Variants in SLC35F5 observed in about 807,000 individuals in gnomAD.
SLC35F5 encodes solute carrier family 35 member F5.
In SLC35F5, 54 loss-of-function variants were observed where a neutral mutation model predicts 68.6. The ratio of observed to expected loss-of-function variants is 0.79; its 90% CI spans 0.63 to 0.99. The LOEUF (loss-of-function observed/expected upper bound fraction) is 0.99. Among genes scored for constraint, SLC35F5 ranks in the 50% least tolerant of loss-of-function variants. The pLI is 0.00. For missense variants in SLC35F5, 567 were observed against 626.9 expected, an observed-to-expected ratio of 0.90 and a Z score of 1.02; for synonymous variants, 211 against 205.2, an observed-to-expected ratio of 1.03 and a Z score of -0.24.
chr2:113,718,537 A>AT lies in SLC35F5; in HGVS notation c.1496+616dup, dbSNP rs895249522. Among the ~76,000 whole-genome samples the AT allele has an allele frequency of 3.1e-4, 47 of 152,146 alleles. No individual in the cohort carries two copies. In the East Asian group the frequency reaches 6.0e-3, roughly 19 times the overall value. ...CCTTTTGGTATTACCTGTGAATCAT[A>AT]TTTTTTTTAAAAAAATGTAGTTACT... On this transcript the variant is annotated intron_variant, in intron 14 of 15. Coordinates refer to ENST00000245680, the MANE Select transcript of SLC35F5 (RefSeq NM_025181.5).
chr2:113,752,611 T>C (rs572741562), intron 3 of SLC35F5, among the ~76,000 whole-genome samples: 2 of 152,148 alleles, frequency 1.3e-5, no homozygotes, highest in African/African-American at 4.8e-5. Context: ...AAATCCAGAA[T>C]GTGTGATACA....
chr2:113,753,678 C>T (rs888865010), intron 3 of SLC35F5, among the ~76,000 whole-genome samples: 1 of 152,044 alleles, frequency 6.6e-6, no homozygotes, highest in Non-Finnish European at 1.5e-5. Flanking sequence ...CATGGTGTTT[C>T]GATATATGTA....
intron 10 of SLC35F5, 70 bp from the exon 11 acceptor site, chr2:113,729,575 T>C (rs561184354): frequency 1.3e-6 from 1 of 795,450 alleles, no homozygotes; most frequent in South Asian, 1.6e-5. Flanking sequence ...AATCCAATAA[T>C]GTGTCAGATA....
rs1411957520 is a variant in SLC35F5, at chr2:113,711,128, C to T, written c.*4090G>A. 6.6e-6 allele frequency among the ~76,000 whole-genome samples: 1 copy of T among 152,110 alleles called. No homozygotes were observed. The highest frequency in any genetic ancestry group is 1.5e-5 in the Non-Finnish European group (1 of 68,026). On this transcript the variant is annotated 3_prime_UTR_variant, in exon 16 of 16. Transcript: ENST00000245680. ...ATGAAATGGTGTCTTCATCTAGGTG[C>T]TTCTCCATCAAAATCCCTAGCTCAA... is the stretch of plus-strand genomic sequence containing the variant.
rs535098457 is a variant in SLC35F5, at chr2:113,715,671, G to C, written c.*23-476C>G. ...ATTAAAAAGCTTTCAAGAATACAAAGTCCTCACTTAATGTCATAGGTTCTA... is the reference window on the plus strand; with the variant it reads ...ATTAAAAAGCTTTCAAGAATACAAACTCCTCACTTAATGTCATAGGTTCTA... On this transcript the variant is annotated intron_variant, in intron 15 of 15. Coordinates refer to ENST00000245680, the MANE Select transcript of SLC35F5 (RefSeq NM_025181.5). 1.3e-3 allele frequency among the ~76,000 whole-genome samples: 191 copies of C among 152,034 alleles called. 4 individuals carry two copies. In the Middle Eastern group the frequency reaches 0.02, roughly 16 times the overall value.
At chr2:113,733,833 T>C (rs1214421817) in intron 9 of SLC35F5, among the ~76,000 whole-genome samples, 1 of 152,270 alleles carries the variant, frequency 6.6e-6, no homozygotes, top group East Asian at 1.9e-4. Flanking sequence ...GCAGAGCTCT[T>C]ATTCAATCTC....
chr2:113,740,569 G>T (rs1446183319), intron 7 of SLC35F5, among the ~76,000 whole-genome samples: 1 of 151,954 alleles, frequency 6.6e-6, no homozygotes, highest in African/African-American at 2.4e-5. Context: ...ACAGTTAATG[G>T]CATAAAGTAC....
chr2:113,727,367 A>G (rs1031711763), intron 11 of SLC35F5, among the ~76,000 whole-genome samples: 10 of 152,306 alleles, frequency 6.6e-5, no homozygotes, highest in South Asian at 6.2e-4. Context: ...AAAAACAACA[A>G]CAAAAGAACA....
At chr2:113,726,626 C>A (rs1310697469) in intron 11 of SLC35F5, among the ~76,000 whole-genome samples, 1 of 152,182 alleles carries the variant, frequency 6.6e-6, no homozygotes, top group Admixed American at 6.5e-5. Flanking sequence ...TAAAGACTCA[C>A]AGCCACCCCA....
intron 3 of SLC35F5, among the ~76,000 whole-genome samples, chr2:113,753,523 A>C (rs1189550838): frequency 1.3e-5 from 2 of 152,162 alleles, no homozygotes; most frequent in Non-Finnish European, 2.9e-5. Context: ...AAGTAGAGAC[A>C]TTACATACAT....
At chr2:113,753,171 T>C (rs1419032756) in intron 3 of SLC35F5, among the ~76,000 whole-genome samples, 15,325 of 101,994 alleles carry the variant, frequency 0.15, 2,904 homozygotes, top group Middle Eastern at 0.27. Context: ...TGTTTTTCTT[T>C]TTTTTTTTTT....
rs1559363978 is a variant in SLC35F5 at position 113,750,553 on chromosome 2, A to G, written c.289T>C (p.Tyr97His). The change falls in exon 4 of 16, where the codon TAC (tyrosine) becomes CAC (histidine). Residue 97 changes from tyrosine to histidine, a missense_variant. Coordinates refer to ENST00000245680, the MANE Select transcript of SLC35F5 (RefSeq NM_025181.5). Reference sequence around the variant, plus strand: ...AAGGTGCTGAAGAATGGTTTGTTGTACTGGGTAAAAACATACTGTAGAGGA... The same window carrying G: ...AAGGTGCTGAAGAATGGTTTGTTGTGCTGGGTAAAAACATACTGTAGAGGA... ...SELTSYVFTQ[Y>H]NKPFFSTFAK... 6.2e-7 allele frequency: 1 copy of G among 1,610,934 alleles called. No homozygotes were observed. The highest frequency in any genetic ancestry group is 2.2e-5 in the East Asian group (1 of 44,768).
chr2:113,715,845 G>A (rs555606053), intron 15 of SLC35F5, among the ~76,000 whole-genome samples: 24 of 152,126 alleles, frequency 1.6e-4, no homozygotes, highest in Non-Finnish European at 3.1e-4. Flanking sequence ...AGGACTTACT[G>A]TAATTGTGTT....
At chr2:113,706,562 C>A (rs912572839), downstream of SLC35F5, among the ~76,000 whole-genome samples, 1 of 152,120 alleles carries the variant, frequency 6.6e-6, no homozygotes, top group African/African-American at 2.4e-5. Context: ...TTTGATTATT[C>A]AAAAATTTCA....
At chr2:113,716,008 C>T (rs945931512) in intron 15 of SLC35F5, among the ~76,000 whole-genome samples, 1 of 152,160 alleles carries the variant, frequency 6.6e-6, no homozygotes, top group Non-Finnish European at 1.5e-5. Flanking sequence ...TCTCAAACTC[C>T]TGAGCTCAAG....
At chr2:113,752,665 A>AT (rs1226105423) in intron 3 of SLC35F5, among the ~76,000 whole-genome samples, 11 of 152,226 alleles carry the variant, frequency 7.2e-5, no homozygotes, top group Admixed American at 4.6e-4. Context: ...AATTTATGGT[A>AT]TTAAAAAAAA....
At chr2:113,704,277 G>A (rs942137301), downstream of SLC35F5, among the ~76,000 whole-genome samples, 1 of 152,170 alleles carries the variant, frequency 6.6e-6, no homozygotes, top group Non-Finnish European at 1.5e-5. Flanking sequence ...TTGACAGGGC[G>A]CTGATTGGTG....
In SLC35F5 at chr2:113,731,620, C is replaced by A. The variant is rs752023112; in HGVS notation, c.949G>T (p.Ala317Ser). Residue 317 changes from alanine to serine, a missense_variant, in exon 10 of 16, where the codon GCA becomes TCA. Ala to Ser is a moderately conservative substitution (Grantham distance 99). Coordinates refer to ENST00000245680, the MANE Select transcript of SLC35F5 (RefSeq NM_025181.5). ...CTTCCAGCAGGTTTTTCAGACCCTG[C>A]CAGGTTTACCAGTACAACGCCTCCA... Reference protein sequence around the residue: ...SIGGVVLVNLAGSEKPAGRDT... With the variant: ...SIGGVVLVNLSGSEKPAGRDT... 6.2e-7 allele frequency: 1 copy of A among 1,613,056 alleles called. No homozygotes were observed. Among genetic ancestry groups the A allele is most frequent in the East Asian group, 2.2e-5 (1 of 44,838 alleles).
In SLC35F5 at chr2:113,756,625, G is replaced by A. The variant is rs960296399; in HGVS notation, c.-216C>T. 1.5e-6 allele frequency: 2 copies of A among 1,292,562 alleles called. No individual in the cohort carries two copies. Among genetic ancestry groups the A allele is most frequent in the Non-Finnish European group, 2.0e-6 (2 of 985,472 alleles). 80.1% of individuals were successfully genotyped at this position (1,292,562 alleles called of 1,614,324 possible). On this transcript the variant is annotated 5_prime_UTR_variant, in exon 1 of 16. Transcript: ENST00000245680. ...AGGGACGGCACAGTCAGCTATGGCC[G>A]CGGAGGCCCGGAGATCTGCTCTGGC...
Sources: allele counts gnomAD v4.1 joint callset (sites outside exome capture counted in the v4.1 genomes callset), GRCh38; gene constraint gnomAD v4.1.1; transcripts MANE v1.5; gene names NCBI Gene and HGNC (gene_info 2026-07-23, HGNC 2026-07-21).